The following TRDN variants were observed in gnomAD, a reference collection of about 807,000 sequenced individuals.
TRDN encodes the protein triadin in skeletal muscle.
TRDN carries 161 observed loss-of-function variants against 149.7 expected under a neutral mutation model. The ratio of observed to expected loss-of-function variants is 1.08; its 90% CI spans 0.95 to 1.23. The LOEUF is 1.23. Ranked by LOEUF, TRDN falls within the 50% of genes most tolerant of loss-of-function variation. TRDN has a pLI of 0.00. For synonymous variants in TRDN, 294 were observed against 250.5 expected, an observed-to-expected ratio of 1.17 and a Z score of -1.64; for missense variants, 896 against 823.5, an observed-to-expected ratio of 1.09 and a Z score of -1.08.
intron 4 of TRDN, among the ~76,000 whole-genome samples, chr6:123,539,892 T>C (rs1442644940): frequency 6.6e-6 from 1 of 152,208 alleles, no homozygotes; most frequent in African/African-American, 2.4e-5. Flanking sequence ...CTCACTCTGA[T>C]TGTGAGTTAG....
intron 23 of TRDN, among the ~76,000 whole-genome samples, chr6:123,324,871 A>T (rs979687907): frequency 1.3e-5 from 2 of 152,222 alleles, no homozygotes; most frequent in Non-Finnish European, 2.9e-5. Context: ...CATAATGGAC[A>T]TAACAAGAAA....
chr6:123,281,499 A>G (rs1282187559), intron 24 of TRDN, among the ~76,000 whole-genome samples: 1 of 152,088 alleles, frequency 6.6e-6, no homozygotes, highest in Admixed American at 6.6e-5. Flanking sequence ...AATCAAGGTT[A>G]TGGAGATTCT....
At chr6:123,438,511 A>G (rs1401799424) in intron 11 of TRDN, among the ~76,000 whole-genome samples, 1 of 152,124 alleles carries the variant, frequency 6.6e-6, no homozygotes, top group Non-Finnish European at 1.5e-5. Context: ...TTCACTTGGG[A>G]CATCAGATAA....
chr6:123,531,891 A>T (rs1327146013), intron 4 of TRDN, among the ~76,000 whole-genome samples: 4 of 152,040 alleles, frequency 2.6e-5, no homozygotes, highest in Non-Finnish European at 5.9e-5. Flanking sequence ...GCATTTTAGG[A>T]TATTCAGCAG....
rs1429384127 is a variant in TRDN at position 123,352,519 on chromosome 6, C to T, written c.1369+20G>A. 6.2e-7 allele frequency: 1 copy of T among 1,609,028 alleles called. No homozygotes were observed. Among genetic ancestry groups the T allele is most frequent in the South Asian group, 1.1e-5 (1 of 90,544 alleles). ...GTCTTTCTAAAGAAGATAATGTCAACCTCCTTCATTTTTTTTTACCTTGCT... is the reference window on the plus strand; with the variant it reads ...GTCTTTCTAAAGAAGATAATGTCAATCTCCTTCATTTTTTTTTACCTTGCT... On this transcript the variant is annotated intron_variant, in intron 21 of 40. Coordinates refer to ENST00000334268, the MANE Select transcript of TRDN (RefSeq NM_006073.4).
chr6:123,378,136 A>AT (rs1781579963), intron 16 of TRDN, among the ~76,000 whole-genome samples: 2 of 152,252 alleles, frequency 1.3e-5, no homozygotes, highest in East Asian at 3.9e-4. Context: ...AGGAATTTGA[A>AT]TTTTTTACAG....
intron 24 of TRDN, among the ~76,000 whole-genome samples, chr6:123,293,985 G>A (rs1778101754): frequency 1.3e-5 from 2 of 152,088 alleles, no homozygotes; most frequent in African/African-American, 4.8e-5. Flanking sequence ...TCTACCATAA[G>A]TCAATCCTAA....
Position 123,316,461 on chromosome 6 carries a change from T to G in TRDN, c.1506A>C (p.Lys502Asn), listed in dbSNP as rs750499043. 6.2e-7 allele frequency: 1 copy of G among 1,610,374 alleles called. No homozygotes were observed. Among genetic ancestry groups the G allele is most frequent in the East Asian group, 2.2e-5 (1 of 44,642 alleles). ...AATCTTACAAAATATCCTTACCTGC[T>G]TTGGACATCTTTTCATCTTTTTTAG... is the stretch of plus-strand genomic sequence containing the variant. ...PETKKDEKMS[K>N]AGKEVKPKPP... The change falls in exon 24 of 41, where the codon AAA (lysine) becomes AAC (asparagine). Residue 502 changes from lysine (K) to asparagine (N), a missense_variant. Transcript: ENST00000334268.
chr6:123,364,278 C>A (rs776930732), intron 20 of TRDN, among the ~76,000 whole-genome samples: 2 of 152,180 alleles, frequency 1.3e-5, no homozygotes, highest in African/African-American at 4.8e-5. Flanking sequence ...GGAGTTCAAC[C>A]TTTGCTTCTT....
intron 2 of TRDN, among the ~76,000 whole-genome samples, chr6:123,557,741 A>G (rs1781752588): frequency 6.6e-6 from 1 of 151,700 alleles, no homozygotes; most frequent in Admixed American, 6.6e-5. Flanking sequence ...TCTGGGGGGC[A>G]AGCACCTCCA....
intron 24 of TRDN, among the ~76,000 whole-genome samples, chr6:123,315,664 T>C (rs1223681298): frequency 2.0e-5 from 3 of 151,926 alleles, no homozygotes; most frequent in African/African-American, 7.2e-5. Context: ...AACTTTCTTT[T>C]GGATAGATAT....
chr6:123,525,690 C>T (rs1583189654), intron 5 of TRDN, among the ~76,000 whole-genome samples: 1 of 151,868 alleles, frequency 6.6e-6, no homozygotes, highest in East Asian at 1.9e-4. Context: ...TCCCTTGAAT[C>T]TAAAAGTTTT....
At chr6:123,279,398 C>T (rs1286367106) in intron 24 of TRDN, among the ~76,000 whole-genome samples, 1 of 152,058 alleles carries the variant, frequency 6.6e-6, no homozygotes, top group Non-Finnish European at 1.5e-5. Context: ...TGACTGTGTT[C>T]CAATAAAACT....
intron 10 of TRDN, among the ~76,000 whole-genome samples, chr6:123,443,277 GAA>G (rs60757232): frequency 7.1e-6 from 1 of 141,224 alleles, no homozygotes. Flanking sequence ...TAAAGATTAG[GAA>G]AAAAAAAAAG....
At chr6:123,249,662 C>T (rs1433362872) in intron 38 of TRDN, among the ~76,000 whole-genome samples, 3 of 151,892 alleles carry the variant, frequency 2.0e-5, no homozygotes, top group African/African-American at 7.3e-5. Context: ...CATCATCATA[C>T]GTGAAATAAC....
chr6:123,599,061 G>T, intron 1 of TRDN, among the ~76,000 whole-genome samples: 1 of 152,020 alleles, frequency 6.6e-6, no homozygotes, highest in East Asian at 1.9e-4. Context: ...ATAAAAAATA[G>T]TTGCAGTACT....
At chr6:123,583,711 C>CCTGTAGGAAAGGACTCTACCGT (rs1783258786) in intron 1 of TRDN, among the ~76,000 whole-genome samples, 2 of 152,016 alleles carry the variant, frequency 1.3e-5, no homozygotes, top group South Asian at 4.2e-4. Context: ...CTTCTCAGAC[C>CCTGTAGGAAAGGACTCTACCGT]CTGTAGGAAA....
Position 123,543,937 on chromosome 6 carries a change from A to C in TRDN, c.424+3403T>G, listed in dbSNP as rs531817630. On this transcript the variant is annotated intron_variant, in intron 4 of 40. Coordinates refer to ENST00000334268, the MANE Select transcript of TRDN (RefSeq NM_006073.4). ...CTACATTATGATTCTCTAAGGAAAAAAGTGTACATATTGAAAATTTTAAAT... is the reference window on the plus strand; with the variant it reads ...CTACATTATGATTCTCTAAGGAAAACAGTGTACATATTGAAAATTTTAAAT... 6.2e-4 allele frequency among the ~76,000 whole-genome samples: 94 copies of C among 152,164 alleles called. 1 individual carries two copies. The highest frequency in any genetic ancestry group is 5.9e-3 in the Admixed American group (90 of 15,262).
intron 39 of TRDN, among the ~76,000 whole-genome samples, chr6:123,222,912 T>G (rs1341727077): frequency 6.6e-6 from 1 of 151,770 alleles, no homozygotes; most frequent in Non-Finnish European, 1.5e-5. Context: ...ACATCACTAC[T>G]CATTAGAGAA....
Sources: allele counts gnomAD v4.1 joint callset (sites outside exome capture counted in the v4.1 genomes callset), GRCh38; gene constraint gnomAD v4.1.1; transcripts MANE v1.5; gene names NCBI Gene and HGNC (gene_info 2026-07-23, HGNC 2026-07-21).